GALNT9: variants seen among roughly 807,000 people sequenced by gnomAD.
GALNT9 encodes GalNAc transferase 9.
In GALNT9, 47 loss-of-function variants were observed where a neutral mutation model predicts 63.1. The observed-to-expected ratio is 0.75, with a 90% CI of 0.59 to 0.95. GALNT9 has a LOEUF of 0.95. Ranked by LOEUF, GALNT9 falls within the 40% of genes least tolerant of loss-of-function variation. The pLI is 0.00. For synonymous variants in GALNT9, 396 were observed against 365.7 expected (o/e 1.08, Z -0.94); for missense variants, 829 against 874.8 (o/e 0.95, Z 0.66).
At chr12:132,284,842 T>C (rs1215126353) in intron 2 of GALNT9, among the ~76,000 whole-genome samples, 1 of 152,188 alleles carries the variant, frequency 6.6e-6, no homozygotes, top group Non-Finnish European at 1.5e-5. Flanking sequence ...AGCTCCGGGT[T>C]CCTGCACCAA....
chr12:132,286,942 G>A lies in GALNT9; in HGVS notation c.239-512C>T, dbSNP rs1880615855. Among the ~76,000 whole-genome samples the A allele has an allele frequency of 1.3e-5, 2 of 151,998 alleles. No homozygotes were observed. Among genetic ancestry groups the A allele is most frequent in the Non-Finnish European group, 1.5e-5 (1 of 68,000 alleles). On this transcript the variant is annotated intron_variant, in intron 1 of 10. Coordinates refer to ENST00000328957, the MANE Select transcript of GALNT9 (RefSeq NM_001122636.2). This position sits in a 1 kb window ranked among gnomAD's most constrained non-coding sequence, Gnocchi z 7.4. ...TGGTCTTGAACTCCTGACCTCAAGC[G>A]ATCCACCTACCTAGGCCTCCCAAAG...
chr12:132,260,822 G>A, intron 4 of GALNT9, 126 bp downstream of exon 4: 2 of 1,315,916 alleles, frequency 1.5e-6, no homozygotes, highest in South Asian at 3.1e-5. Flanking sequence ...GATCCTGAAG[G>A]CTACGGCGAG....
At chr12:132,226,230 C>G (rs1291721774) in intron 6 of GALNT9, among the ~76,000 whole-genome samples, 2 of 147,596 alleles carry the variant, frequency 1.4e-5, no homozygotes, top group African/African-American at 5.1e-5. Context: ...CACATACACC[C>G]CATACACAAC....
chr12:132,302,512 C>T (rs28602783), intron 1 of GALNT9, among the ~76,000 whole-genome samples: 1 of 152,068 alleles, frequency 6.6e-6, no homozygotes, highest in Non-Finnish European at 1.5e-5. Context: ...ATTTATTCAC[C>T]CATCCATTAT....
chr12:132,217,992 C>T (rs1877288311), intron 6 of GALNT9, among the ~76,000 whole-genome samples: 1 of 150,606 alleles, frequency 6.6e-6, no homozygotes, highest in East Asian at 2.0e-4. Context: ...CATCCATCTA[C>T]CCACTCATTT....
chr12:132,211,897 G>C (rs1876969543), intron 6 of GALNT9, among the ~76,000 whole-genome samples: 1 of 152,240 alleles, frequency 6.6e-6, no homozygotes, highest in Non-Finnish European at 1.5e-5. Context: ...CCTGTGGGCT[G>C]TGGCCCATGT....
chr12:132,322,711 G>A (rs1367061810), intron 1 of GALNT9, among the ~76,000 whole-genome samples: 1 of 152,226 alleles, frequency 6.6e-6, no homozygotes, highest in African/African-American at 2.4e-5. Flanking sequence ...GCAGGCCTGG[G>A]CGGCTTCCTG....
chr12:132,228,088 A>C (rs969557169), intron 6 of GALNT9, among the ~76,000 whole-genome samples: 1 of 152,086 alleles, frequency 6.6e-6, no homozygotes, highest in Non-Finnish European at 1.5e-5. Flanking sequence ...GTGCCGCCCC[A>C]GCAGGGGTGG....
intron 7 of GALNT9, 93 bp from the exon 8 acceptor site, chr12:132,201,354 G>GAGGTTGGGGGTCTCCAGGGACCAAGTC (rs1876088554): frequency 1.3e-6 from 1 of 788,884 alleles, no homozygotes; most frequent in Non-Finnish European, 2.1e-6. Context: ...GGGACCAAGT[G>GAGGTTGGGGGTCTCCAGGGACCAAGTC]CCCTCACAGG....
intron 7 of GALNT9, among the ~76,000 whole-genome samples, chr12:132,202,342 T>G (rs1876213250): frequency 6.6e-6 from 1 of 152,322 alleles, no homozygotes; most frequent in African/African-American, 2.4e-5. Context: ...GGGTACCCTC[T>G]TCTCGTCTCT....
Position 132,246,756 on chromosome 12 carries a change from C to T in GALNT9, c.1077+1154G>A, listed in dbSNP as rs1878718795. On this transcript the variant is annotated intron_variant, in intron 6 of 10. Transcript: ENST00000328957. The surrounding 1 kb of genome is among the most constrained non-coding windows in gnomAD (Gnocchi z 4.7). ...CCATACTGGTCAGGCTGGTCTCGAA[C>T]TTCTGACCTCATGATCCACCCACCT... 6.6e-6 allele frequency among the ~76,000 whole-genome samples: 1 copy of T among 152,202 alleles called. No homozygotes were observed. The highest frequency in any genetic ancestry group is 2.1e-4 in the South Asian group (1 of 4,830).
chr12:132,218,503 A>T (rs1368113264), intron 6 of GALNT9, among the ~76,000 whole-genome samples: 5 of 152,240 alleles, frequency 3.3e-5, no homozygotes, highest in Non-Finnish European at 7.3e-5. Context: ...CCTGATTTTT[A>T]AAAAAGATTT....
At chr12:132,285,204 C>T (rs572265816) in intron 2 of GALNT9, among the ~76,000 whole-genome samples, 3 of 152,326 alleles carry the variant, frequency 2.0e-5, no homozygotes, top group East Asian at 3.9e-4. Flanking sequence ...GTGGCTGAGG[C>T]CACCTGCCAC....
Position 132,259,533 on chromosome 12 carries a change from G to A in GALNT9, c.761+1415C>T, listed in dbSNP as rs28407043. On this transcript the variant is annotated intron_variant, in intron 4 of 10. Coordinates refer to ENST00000328957, the MANE Select transcript of GALNT9 (RefSeq NM_001122636.2). ...GGGCAGAGGAGGCAGCGTCTTGTCA[G>A]AACAGCGCCGGCTGGGGACTGAGAT... Among the ~76,000 whole-genome samples the A allele has an allele frequency of 5.8e-3, 882 of 152,324 alleles. 44 individuals carry two copies. In the South Asian group the frequency reaches 0.11, roughly 19 times the overall value.
chr12:132,214,324 G>A (rs934385157), intron 6 of GALNT9, among the ~76,000 whole-genome samples: 11 of 152,306 alleles, frequency 7.2e-5, no homozygotes, highest in East Asian at 3.9e-4. Context: ...AGCGGAGCCC[G>A]TGTATTAATC....
At chr12:132,294,219 C>T (rs529064165) in intron 1 of GALNT9, among the ~76,000 whole-genome samples, 46 of 152,298 alleles carry the variant, frequency 3.0e-4, no homozygotes, top group Middle Eastern at 3.4e-3. Flanking sequence ...GTCCCTGGAG[C>T]AGGTGGGTCC....
rs953795176 is a variant in GALNT9, at chr12:132,286,076, A to G, written c.419+174T>C. Reference sequence around the variant, plus strand: ...CGGGGGAGCGCTCACTTTCCCGGCCAGCGTGGGGGGCGGTCACTTCCCCGG... The same window carrying G: ...CGGGGGAGCGCTCACTTTCCCGGCCGGCGTGGGGGGCGGTCACTTCCCCGG... On this transcript the variant is annotated intron_variant, in intron 2 of 10. Coordinates refer to ENST00000328957, the MANE Select transcript of GALNT9 (RefSeq NM_001122636.2). This position sits in a 1 kb window ranked among gnomAD's most constrained non-coding sequence, Gnocchi z 7.4. Among the ~76,000 whole-genome samples the G allele has an allele frequency of 2.0e-5, 3 of 150,000 alleles. No homozygotes were observed. Among genetic ancestry groups the G allele is most frequent in the African/African-American group, 4.9e-5 (2 of 40,590 alleles).
Position 132,196,949 on chromosome 12 carries a change from TGGTCACTCAGCCACACCCC to T in GALNT9, c.*139_*157del, listed in dbSNP as rs1480922045. On this transcript the variant is annotated 3_prime_UTR_variant, in exon 11 of 11. Coordinates refer to ENST00000328957, the MANE Select transcript of GALNT9 (RefSeq NM_001122636.2). Reference sequence around the variant, plus strand: ...ACTCCAGATGCAGTGGGTGACACCCTGGTCACTCAGCCACACCCCGGCCCCTCAGCCTCTGCTGTCCTGG... The same window carrying T: ...ACTCCAGATGCAGTGGGTGACACCCTGGCCCCTCAGCCTCTGCTGTCCTGG... 2.7e-6 allele frequency: 4 copies of T among 1,470,254 alleles called. No individual in the cohort carries two copies. Among genetic ancestry groups the T allele is most frequent in the Non-Finnish European group, 2.7e-6 (3 of 1,115,612 alleles). 91.1% of individuals were successfully genotyped at this position (1,470,254 alleles called of 1,614,324 possible).
intron 6 of GALNT9, among the ~76,000 whole-genome samples, chr12:132,225,062 C>T (rs1877598160): frequency 7.5e-6 from 1 of 134,036 alleles, no homozygotes; most frequent in Non-Finnish European, 1.6e-5. Context: ...ACATACACAC[C>T]ACCCCCCCAC....
Sources: gnomAD v4.1 joint callset for allele counts (sites outside exome capture counted in the v4.1 genomes callset) on GRCh38, gnomAD v4.1.1 for gene constraint, Gnocchi (gnomAD v3.1) non-coding constraint, MANE v1.5 for transcripts, NCBI Gene and HGNC (gene_info 2026-07-23, HGNC 2026-07-21) for gene names.